The following TPO variants were observed in gnomAD, a reference collection of about 807,000 sequenced individuals.
The protein encoded by TPO is thyroid peroxidase.
In TPO, 78 loss-of-function variants were observed where a neutral mutation model predicts 96.9. That is an observed-to-expected ratio of 0.81 (90% confidence interval 0.67 to 0.97). The LOEUF is 0.97. Among genes scored for constraint, TPO ranks in the 50% least tolerant of loss-of-function variants. The pLI, the probability that TPO is intolerant of heterozygous loss-of-function variation, is 0.00. For synonymous variants in TPO, 547 were observed against 538.0 expected, an observed-to-expected ratio of 1.02 and a Z score of -0.23; for missense variants, 1,252 against 1,274.8, an observed-to-expected ratio of 0.98 and a Z score of 0.27.
At chr2:1,460,682 A>G (rs1248777033) in intron 7 of TPO, among the ~76,000 whole-genome samples, 2 of 152,206 alleles carry the variant, frequency 1.3e-5, no homozygotes, top group Non-Finnish European at 2.9e-5. Flanking sequence ...ATGAACGTGT[A>G]TTGTTATTGC....
At position 1,540,527 on chromosome 2, in the gene TPO, T is replaced by TGCTCTCTACCCTCCACAGTCACGGTGCC; in HGVS notation, c.2619-65_2619-38dup. 4 of 1,604,662 alleles carry TGCTCTCTACCCTCCACAGTCACGGTGCC rather than the reference T, an allele frequency of 2.5e-6. No individual in the cohort carries two copies. The Admixed American group carries it at 6.7e-5, about 27-fold the overall frequency. ...GGCTGCCTTGCCGTCGCTCGTGCCG[T>TGCTCTCTACCCTCCACAGTCACGGTGCC]GCTCTCTACCCTCCACAGTCACGGT... On this transcript the variant is annotated intron_variant, in intron 15 of 16. Transcript: ENST00000329066.
chr2:1,386,729 T>C (rs1268782383), intron 1 of TPO, among the ~76,000 whole-genome samples: 3 of 152,202 alleles, frequency 2.0e-5, no homozygotes, highest in Non-Finnish European at 4.4e-5. Flanking sequence ...TTAATTTTGT[T>C]ATGTGTGAAT....
chr2:1,484,766 G>A lies in TPO; in HGVS notation c.1509G>A (p.Arg503=), dbSNP rs989606391. ...CCACGATCCACCCGCTGGTGAGGAG[G>A]CTGGACGCCAGCTTCCAGGAGCACC... The part of the protein sequence containing the change: ...GHATIHPLVR[R]LDASFQEHPD... Residue 503 remains arginine, a synonymous_variant, in exon 9 of 17, where the codon AGG becomes AGA. Transcript: ENST00000329066. The A allele has an allele frequency of 5.6e-6, 9 of 1,613,986 alleles. No homozygotes were observed. Among genetic ancestry groups the A allele is most frequent in the Non-Finnish European group, 7.6e-6 (9 of 1,180,048 alleles).
At chr2:1,398,703 C>T (rs759548467) in intron 1 of TPO, among the ~76,000 whole-genome samples, 3 of 152,218 alleles carry the variant, frequency 2.0e-5, no homozygotes, top group African/African-American at 4.8e-5. Context: ...GCACCGCTTG[C>T]GTGGGGGTCT....
chr2:1,450,082 G>A (rs1009734781), intron 5 of TPO, among the ~76,000 whole-genome samples: 3 of 152,198 alleles, frequency 2.0e-5, no homozygotes, highest in Admixed American at 6.5e-5. Context: ...CTGCTGCCCC[G>A]CTGAGAAAGA....
intron 1 of TPO, among the ~76,000 whole-genome samples, chr2:1,391,549 A>C (rs1411695693): frequency 6.6e-6 from 1 of 152,160 alleles, no homozygotes; most frequent in African/African-American, 2.4e-5. Flanking sequence ...CAATTCTGTG[A>C]AGAAAGTCAT....
At chr2:1,456,601 A>T (rs4927580) in intron 7 of TPO, among the ~76,000 whole-genome samples, 4,666 of 6,930 alleles carry the variant, frequency 0.67, 1,661 homozygotes, top group South Asian at 0.92. Flanking sequence ...AGCATGCATG[A>T]TAGTGTGTGG....
At position 1,453,793 on chromosome 2, in the gene TPO, C is replaced by T; in HGVS notation, c.582C>T (p.Gly194=). 2 of 1,613,862 alleles carry T rather than the reference C, an allele frequency of 1.2e-6. No individual in the cohort carries two copies. The highest frequency in any genetic ancestry group is 2.2e-5 in the East Asian group (1 of 44,884). The stretch of plus-strand genomic sequence containing the variant: ...GTCAGCCCCGAGGCTGGAACCCCGG[C>T]TTCTTGTACAACGGGTTCCCACTGC... ...GFSQPRGWNP[G]FLYNGFPLPP... is the part of the protein sequence containing the mutation. The change falls in exon 6 of 17, where the codon GGC becomes GGT. Residue 194 remains glycine (G), a synonymous_variant. Coordinates refer to ENST00000329066, the MANE Select transcript of TPO (RefSeq NM_001206744.2).
rs1328566185 is a variant in TPO at position 1,493,971 on chromosome 2, G to A, written c.1938G>A (p.Arg646=). 5 of 1,614,010 alleles carry A rather than the reference G, an allele frequency of 3.1e-6. No individual in the cohort carries two copies. Among genetic ancestry groups the A allele is most frequent in the Non-Finnish European group, 4.2e-6 (5 of 1,180,026 alleles). The part of the protein sequence containing the change: ...LGGLAENFLP[R]ARTGPLFACL... ...GCTTAGCTGAAAACTTCCTCCCCAGGGCTCGGACAGGGCCCCTGTTTGCCT... is the reference window on the plus strand; with the variant it reads ...GCTTAGCTGAAAACTTCCTCCCCAGAGCTCGGACAGGGCCCCTGTTTGCCT... The change falls in exon 11 of 17, where the codon AGG becomes AGA. Residue 646 remains arginine, a synonymous_variant. Coordinates refer to ENST00000329066, the MANE Select transcript of TPO (RefSeq NM_001206744.2).
At chr2:1,424,150 A>G (rs1479717648) in intron 3 of TPO, among the ~76,000 whole-genome samples, 1 of 152,194 alleles carries the variant, frequency 6.6e-6, no homozygotes, top group Non-Finnish European at 1.5e-5. Context: ...CATCTTAGAG[A>G]GACATAAGAC....
chr2:1,435,993 A>G (rs370055002), intron 4 of TPO, among the ~76,000 whole-genome samples: 2 of 152,222 alleles, frequency 1.3e-5, no homozygotes, highest in East Asian at 1.9e-4. Context: ...GAGAGCTCCT[A>G]GATTGCTTTT....
rs200273438 is a variant in TPO at position 1,433,472 on chromosome 2, C to A, written c.214C>A (p.Gln72Lys). 1 of 1,614,110 alleles carries A rather than the reference C, an allele frequency of 6.2e-7. No homozygotes were observed. The highest frequency in any genetic ancestry group is 1.3e-5 in the African/African-American group (1 of 74,936). ...GAAAAGAGGAATCCTTTCTCCAGCT[C>A]AGCTTCTGTCTTTTTCCAAACTTCC... is the stretch of plus-strand genomic sequence containing the variant. ...LKKRGILSPAQLLSFSKLPEP... is the reference protein window; with the variant it reads ...LKKRGILSPAKLLSFSKLPEP... Residue 72 changes from glutamine to lysine, a missense_variant, in exon 4 of 17, where the codon CAG (glutamine) becomes AAG (lysine). Coordinates refer to ENST00000329066, the MANE Select transcript of TPO (RefSeq NM_001206744.2).
At chr2:1,402,111 C>A (rs1377179629) in intron 1 of TPO, among the ~76,000 whole-genome samples, 1 of 152,206 alleles carries the variant, frequency 6.6e-6, no homozygotes, top group Non-Finnish European at 1.5e-5. Flanking sequence ...CTGGCCACAT[C>A]TCCATCCTGT....
At chr2:1,534,434 C>T (rs1188712697) in intron 15 of TPO, among the ~76,000 whole-genome samples, 2 of 105,372 alleles carry the variant, frequency 1.9e-5, no homozygotes, top group Non-Finnish European at 1.9e-5. Flanking sequence ...TGCAGCCTCA[C>T]AAAATTACCC....
rs780371451 is a variant in TPO at position 1,456,187 on chromosome 2, G to T, written c.724G>T (p.Ala242Ser). The part of the protein sequence containing the change: ...AWGQYIDHDI[A>S]FTPQSTSKAA... ...GGGACAATACATCGACCACGACATC[G>T]CGTTCACACCACAGAGCACCAGCAA... The change falls in exon 7 of 17, where the codon GCG (alanine) becomes TCG (serine). Residue 242 changes from alanine (A) to serine (S), a missense_variant. Coordinates refer to ENST00000329066, the MANE Select transcript of TPO (RefSeq NM_001206744.2). The T allele has an allele frequency of 1.1e-5, 18 of 1,614,072 alleles. No homozygotes were observed. The highest frequency in any genetic ancestry group is 1.4e-5 in the Non-Finnish European group (17 of 1,180,048).
intron 5 of TPO, chr2:1,438,781 T>A (rs1343416138): frequency 2.5e-5 from 3 of 121,444 alleles, no homozygotes; most frequent in Non-Finnish European, 4.2e-5. Flanking sequence ...AACTGGAGAT[T>A]TTTTTTTTTT....
chr2:1,484,461 T>C, intron 8 of TPO, 135 bp from the exon 9 acceptor site: 1 of 1,136,356 alleles, frequency 8.8e-7, no homozygotes, highest in Non-Finnish European at 1.3e-6. Flanking sequence ...GAAGTTCAGC[T>C]GAGGCCCTTA....
chr2:1,533,092 AAATCTCTCCACTGTGTGCAACCTCC>A, intron 15 of TPO, among the ~76,000 whole-genome samples: 9 of 133,802 alleles, frequency 6.7e-5, no homozygotes, highest in African/African-American at 2.4e-4. Flanking sequence ...CAACCTCCTC[AAATCTCTCCACTGTGTGCAACCTCC>A]CCAAATCCCC....
At chr2:1,496,858 G>T in intron 13 of TPO, 93 bp downstream of exon 13, 1 of 1,582,346 alleles carries the variant, frequency 6.3e-7, no homozygotes, top group Admixed American at 1.7e-5. Context: ...TTCGCCAAAA[G>T]GTGCTTCTGA....
Sources: gnomAD v4.1 joint callset for allele counts (sites outside exome capture counted in the v4.1 genomes callset) on GRCh38, gnomAD v4.1.1 for gene constraint, MANE v1.5 for transcripts, NCBI Gene and HGNC (gene_info 2026-07-23, HGNC 2026-07-21) for gene names.